Variants in PPM1L observed in about 807,000 individuals in gnomAD.
The protein encoded by PPM1L is protein phosphatase, Mg2+/Mn2+ dependent 1L.
PPM1L carries 13 observed loss-of-function variants against 31.4 expected under a neutral mutation model. The ratio of observed to expected loss-of-function variants is 0.41; its 90% CI spans 0.27 to 0.66. The LOEUF is 0.66. Among genes scored for constraint, PPM1L ranks in the 30% least tolerant of loss-of-function variants. The pLI, the probability that PPM1L is intolerant of heterozygous loss-of-function variation, is 0.29. For synonymous variants in PPM1L, 184 were observed against 175.4 expected (o/e 1.05, Z -0.39); for missense variants, 326 against 453.7 (o/e 0.72, Z 2.56).
rs77212109 is a variant in PPM1L, at chr3:160,950,126, T to C, written c.400-11610T>C. Among the ~76,000 whole-genome samples the C allele has an allele frequency of 9.2e-3, 1,400 of 152,264 alleles. 7 individuals carry two copies. The highest frequency in any genetic ancestry group is 0.051 in the Middle Eastern group (15 of 294). ...CAGAGTAGAGAACATTTGTCTTTCT[T>C]TATCTTCACTTTCATACTTTACACT... On this transcript the variant is annotated intron_variant, in intron 1 of 3. Transcript: ENST00000498165.
intron 1 of PPM1L, among the ~76,000 whole-genome samples, chr3:160,913,753 G>A (rs1200364398): frequency 6.6e-6 from 1 of 151,998 alleles, no homozygotes; most frequent in Non-Finnish European, 1.5e-5. Context: ...TTTCATTTCT[G>A]ACTAGTATTC....
intron 1 of PPM1L, among the ~76,000 whole-genome samples, chr3:160,788,554 AT>A (rs5853901): frequency 0.55 from 82,813 of 151,552 alleles, 26,051 homozygotes; most frequent in African/African-American, 0.87. Flanking sequence ...TGATTTATGG[AT>A]TTTTTTTGTA....
rs534345877 is a variant in PPM1L at position 160,995,762 on chromosome 3, T to C, written c.574+33852T>C. Among the ~76,000 whole-genome samples the C allele has an allele frequency of 3.3e-5, 5 of 152,216 alleles. No homozygotes were observed. The East Asian group carries it at 9.7e-4, about 29-fold the overall frequency. On this transcript the variant is annotated intron_variant, in intron 2 of 3. Transcript: ENST00000498165. Reference sequence around the variant, plus strand: ...AAAGGTCTTGAATAGATGTGAGAGATAGGAACAAGGAGAAAGGAAAGCAAG... The same window carrying C: ...AAAGGTCTTGAATAGATGTGAGAGACAGGAACAAGGAGAAAGGAAAGCAAG...
intron 2 of PPM1L, among the ~76,000 whole-genome samples, chr3:161,055,548 T>C (rs1291246116): frequency 3.3e-5 from 5 of 152,154 alleles, no homozygotes; most frequent in East Asian, 1.9e-4. Context: ...AATTGTGTTA[T>C]TGAACTAACA....
intron 1 of PPM1L, among the ~76,000 whole-genome samples, chr3:160,855,076 C>G (rs1711642199): frequency 6.6e-6 from 1 of 151,926 alleles, no homozygotes; most frequent in African/African-American, 2.4e-5. Context: ...AGCTGCATAC[C>G]TACAACCATA....
At chr3:161,005,948 A>G (rs1717689328) in intron 2 of PPM1L, among the ~76,000 whole-genome samples, 1 of 152,190 alleles carries the variant, frequency 6.6e-6, no homozygotes, top group Admixed American at 6.5e-5. Flanking sequence ...AAAGCTATAA[A>G]TATACAATTT....
intron 2 of PPM1L, among the ~76,000 whole-genome samples, chr3:160,964,476 A>G (rs1716069662): frequency 1.3e-5 from 2 of 152,038 alleles, no homozygotes; most frequent in South Asian, 2.1e-4. Flanking sequence ...AGTAGGCTGA[A>G]CAGACTGCTG....
At chr3:161,063,501 G>C (rs990783477) in intron 2 of PPM1L, among the ~76,000 whole-genome samples, 15 of 152,040 alleles carry the variant, frequency 9.9e-5, no homozygotes, top group Admixed American at 9.2e-4. Context: ...CTCTGCTCTT[G>C]ATATCAACCT....
intron 1 of PPM1L, among the ~76,000 whole-genome samples, chr3:160,835,039 A>ACTTCTTCTTCTTCTTCTT (rs201253772): frequency 0.042 from 5,562 of 131,684 alleles, 156 homozygotes; most frequent in East Asian, 0.071. Flanking sequence ...TACTACTACT[A>ACTTCTTCTTCTTCTTCTT]CTTCTTCTTC....
chr3:160,988,887 T>A (rs1217446437), intron 2 of PPM1L, among the ~76,000 whole-genome samples: 1 of 152,152 alleles, frequency 6.6e-6, no homozygotes, highest in East Asian at 1.9e-4. Context: ...ATAAACTAGT[T>A]CTGTGGTTCT....
At chr3:161,045,191 C>G (rs1719022500) in intron 2 of PPM1L, among the ~76,000 whole-genome samples, 1 of 152,180 alleles carries the variant, frequency 6.6e-6, no homozygotes, top group African/African-American at 2.4e-5. Context: ...TAACCCCCCA[C>G]TGTCAACATT....
intron 1 of PPM1L, among the ~76,000 whole-genome samples, chr3:160,915,280 C>T (rs1299392315): frequency 6.6e-6 from 1 of 152,028 alleles, no homozygotes; most frequent in Non-Finnish European, 1.5e-5. Flanking sequence ...AAACAGAGAG[C>T]CAAATCATGA....
At chr3:160,906,187 A>T (rs1284467802) in intron 1 of PPM1L, among the ~76,000 whole-genome samples, 1 of 152,130 alleles carries the variant, frequency 6.6e-6, no homozygotes, top group East Asian at 1.9e-4. Flanking sequence ...TGTTCATTTT[A>T]AAAAACAAGG....
Position 160,944,835 on chromosome 3 carries a change from T to TAAC in PPM1L, c.400-16900_400-16899insACA, listed in dbSNP as rs1559897073. Among the ~76,000 whole-genome samples, 10 of 48,070 alleles carry TAAC rather than the reference T, an allele frequency of 2.1e-4. 2 individuals are homozygous for TAAC. Among genetic ancestry groups the TAAC allele is most frequent in the Non-Finnish European group, 5.0e-4 (9 of 18,074 alleles). The allele number at this position is 48,070 out of a possible 152,430, so 31.5% of individuals were successfully genotyped here. A position where few individuals can be genotyped will look rare whatever the true frequency, so the allele number is the denominator to read the frequency against. On this transcript the variant is annotated intron_variant, in intron 1 of 3. Coordinates refer to ENST00000498165, the MANE Select transcript of PPM1L (RefSeq NM_139245.4). Reference sequence around the variant, plus strand: ...ACATATATATGTTATATATAACATATATATGTTATATATAACATATATTAT... The same window carrying TAAC: ...ACATATATATGTTATATATAACATATAACATATGTTATATATAACATATATTAT...
Position 161,072,170 on chromosome 3 carries a change from T to C in PPM1L, c.*3013T>C, listed in dbSNP as rs1439421139. On this transcript the variant is annotated 3_prime_UTR_variant, in exon 4 of 4. Transcript: ENST00000498165. ...TTTTAATTAATTGTATCTAAAATTC[T>C]TTCATCATAGGAATAAACAACACAT... 1 of 152,242 alleles carries C rather than the reference T, an allele frequency of 6.6e-6. No individual in the cohort carries two copies. The highest frequency in any genetic ancestry group is 2.4e-5 in the African/African-American group (1 of 41,466). The allele number at this position is 152,242 out of a possible 1,614,324, so 9.4% of individuals were successfully genotyped here. A position where few individuals can be genotyped will look rare whatever the true frequency, so the allele number is the denominator to read the frequency against.
chr3:160,969,214 C>T (rs1716245478), intron 2 of PPM1L, among the ~76,000 whole-genome samples: 1 of 152,150 alleles, frequency 6.6e-6, no homozygotes, highest in South Asian at 2.1e-4. Context: ...GTGAAAGCTA[C>T]CTGTGGTGAA....
intron 1 of PPM1L, among the ~76,000 whole-genome samples, chr3:160,764,104 G>C (rs1715040737): frequency 6.6e-6 from 1 of 152,022 alleles, no homozygotes; most frequent in Non-Finnish European, 1.5e-5. Context: ...TGTATTGCTT[G>C]CTGGTCATTT....
At chr3:160,962,361 CT>C (rs1715996471) in intron 2 of PPM1L, among the ~76,000 whole-genome samples, 1 of 152,040 alleles carries the variant, frequency 6.6e-6, no homozygotes, top group African/African-American at 2.4e-5. Context: ...ACATCAGAGA[CT>C]TCATCTCACT....
intron 2 of PPM1L, among the ~76,000 whole-genome samples, chr3:160,974,221 A>C (rs1384231144): frequency 6.6e-6 from 1 of 151,604 alleles, no homozygotes; most frequent in Non-Finnish European, 1.5e-5. Flanking sequence ...TTATGGCTGC[A>C]TAGTATTCCA....
Sources: allele counts gnomAD v4.1 joint callset (sites outside exome capture counted in the v4.1 genomes callset), GRCh38; gene constraint gnomAD v4.1.1; transcripts MANE v1.5; gene names NCBI Gene and HGNC (gene_info 2026-07-23, HGNC 2026-07-21).